Variants in STEAP1B observed in about 807,000 individuals in gnomAD.
STEAP1B encodes the protein STEAP family member 1B, also known as STEAP family protein MGC87042.
STEAP1B carries 13 observed loss-of-function variants against 27.9 expected under a neutral mutation model. The ratio of observed to expected loss-of-function variants is 0.47; its 90% CI spans 0.30 to 0.74. The LOEUF is 0.74. Among genes scored for constraint, STEAP1B ranks in the 30% least tolerant of loss-of-function variants. The probability of loss-of-function intolerance (pLI) is 0.06; values close to 1 mark genes in which losing one functional copy is unlikely to be tolerated. For synonymous variants in STEAP1B, 86 were observed against 107.1 expected (o/e 0.80, Z 1.22); for missense variants, 250 against 298.7 (o/e 0.84, Z 1.20).
intron 4 of STEAP1B, among the ~76,000 whole-genome samples, chr7:22,457,135 G>A (rs1032258882): frequency 6.6e-6 from 1 of 151,238 alleles, no homozygotes; most frequent in Non-Finnish European, 1.5e-5. Flanking sequence ...TAAATCCAGA[G>A]GATCCACCAA....
intron 4 of STEAP1B, among the ~76,000 whole-genome samples, chr7:22,449,309 C>A (rs10235825): frequency 0.16 from 24,709 of 152,204 alleles, 2,077 homozygotes; most frequent in Non-Finnish European, 0.18. Context: ...CCCTTCCCAG[C>A]CTCTGGTAAC....
intron 4 of STEAP1B, among the ~76,000 whole-genome samples, chr7:22,447,691 T>C (rs1785429188): frequency 6.6e-6 from 1 of 152,248 alleles, no homozygotes; most frequent in East Asian, 1.9e-4. Context: ...CTTCATGTAA[T>C]CAAGACCTGT....
chr7:22,479,564 T>G (rs2128413130), intron 4 of STEAP1B, among the ~76,000 whole-genome samples: 1 of 152,160 alleles, frequency 6.6e-6, no homozygotes, highest in East Asian at 1.9e-4. Flanking sequence ...CTTGCTGACT[T>G]CAGACTCCCC....
rs571684355 is a variant in STEAP1B, at chr7:22,487,468, GA to G, written c.762+5096del. Among the ~76,000 whole-genome samples, 130 of 146,916 alleles carry G rather than the reference GA, an allele frequency of 8.8e-4. 1 individual carries two copies. The highest frequency in any genetic ancestry group is 1.7e-3 in the African/African-American group (66 of 39,782). On this transcript the variant is annotated intron_variant, in intron 4 of 4. Coordinates refer to ENST00000678116, the MANE Select transcript of STEAP1B (RefSeq NM_001382447.1). ...GTTTCAGTTACATGAGTATTTGTTTGAAAAAAAAATGTCTTGCAAAGGCCTA... is the reference window on the plus strand; with the variant it reads ...GTTTCAGTTACATGAGTATTTGTTTGAAAAAAAATGTCTTGCAAAGGCCTA...
At chr7:22,458,947 T>C (rs1785633986) in intron 4 of STEAP1B, among the ~76,000 whole-genome samples, 1 of 152,096 alleles carries the variant, frequency 6.6e-6, no homozygotes. Context: ...AATAAGTATC[T>C]TATACAAACT....
At chr7:22,476,326 C>T (rs951715185) in intron 4 of STEAP1B, among the ~76,000 whole-genome samples, 1 of 152,164 alleles carries the variant, frequency 6.6e-6, no homozygotes, top group African/African-American at 2.4e-5. Flanking sequence ...GCAAACAAGA[C>T]ATAGGGTCTA....
At chr7:22,466,976 G>C (rs1199164737) in intron 4 of STEAP1B, among the ~76,000 whole-genome samples, 3 of 152,190 alleles carry the variant, frequency 2.0e-5, no homozygotes, top group African/African-American at 7.2e-5. Context: ...AAGTACTATA[G>C]AAGTTAACAA....
intron 4 of STEAP1B, among the ~76,000 whole-genome samples, chr7:22,429,839 T>C (rs1402432972): frequency 6.6e-6 from 1 of 152,172 alleles, no homozygotes; most frequent in East Asian, 1.9e-4. Context: ...TTGTTTAAGA[T>C]TATAAGTAGT....
chr7:22,489,182 G>A (rs1324604852), intron 4 of STEAP1B, among the ~76,000 whole-genome samples: 2 of 152,174 alleles, frequency 1.3e-5, no homozygotes, highest in African/African-American at 2.4e-5. Flanking sequence ...TCCTCCTATT[G>A]ATTGTTTTGG....
intron 4 of STEAP1B, among the ~76,000 whole-genome samples, chr7:22,471,302 A>C (rs1279468963): frequency 6.6e-6 from 1 of 152,138 alleles, no homozygotes; most frequent in Non-Finnish European, 1.5e-5. Flanking sequence ...AAGCTCACTC[A>C]CTCAAGAGTT....
intron 4 of STEAP1B, among the ~76,000 whole-genome samples, chr7:22,430,275 C>A (rs75755845): frequency 6.6e-6 from 1 of 152,162 alleles, no homozygotes; most frequent in African/African-American, 2.4e-5. Context: ...AATGTTCTCA[C>A]AGGATTTTGT....
intron 4 of STEAP1B, among the ~76,000 whole-genome samples, chr7:22,461,992 A>G (rs950493210): frequency 6.6e-6 from 1 of 152,210 alleles, no homozygotes; most frequent in African/African-American, 2.4e-5. Flanking sequence ...AATAGTTACC[A>G]TTACTGTGCT....
intron 4 of STEAP1B, among the ~76,000 whole-genome samples, chr7:22,456,952 CTATATA>C (rs199847360): frequency 0.21 from 15,641 of 73,298 alleles, 3,263 homozygotes; most frequent in Non-Finnish European, 0.27. Context: ...GGATAGGCAG[CTATATA>C]TATATATATA....
At chr7:22,477,692 A>C (rs1323554799) in intron 4 of STEAP1B, among the ~76,000 whole-genome samples, 5 of 152,092 alleles carry the variant, frequency 3.3e-5, no homozygotes, top group Admixed American at 6.5e-5. Flanking sequence ...ATATGTGTGC[A>C]AAATTTTGTC....
chr7:22,419,741 G>A lies in STEAP1B; in HGVS notation c.*63C>T, dbSNP rs1785021915. On this transcript the variant is annotated 3_prime_UTR_variant, in exon 5 of 5. Coordinates refer to ENST00000678116, the MANE Select transcript of STEAP1B (RefSeq NM_001382447.1). ...GGGCACTGGGTGGTGTTCTGCATGA[G>A]CAATCCAATGCTGTGCTCCAAAGCC... is the stretch of plus-strand genomic sequence containing the variant. The A allele has an allele frequency of 2.0e-6, 3 of 1,521,622 alleles. No homozygotes were observed. The highest frequency in any genetic ancestry group is 2.8e-5 in the African/African-American group (2 of 72,230). 94.3% of individuals were successfully genotyped at this position (1,521,622 alleles called of 1,614,324 possible).
intron 4 of STEAP1B, among the ~76,000 whole-genome samples, chr7:22,464,201 G>A (rs1028651646): frequency 2.0e-5 from 3 of 152,062 alleles, no homozygotes; most frequent in Non-Finnish European, 2.9e-5. Flanking sequence ...CAATGTGTTC[G>A]CAATGCCATT....
chr7:22,489,529 G>A (rs1299765246), intron 4 of STEAP1B, among the ~76,000 whole-genome samples: 1 of 152,208 alleles, frequency 6.6e-6, no homozygotes, highest in Non-Finnish European at 1.5e-5. Flanking sequence ...GAAGTCATCA[G>A]GGTGTGCCCC....
chr7:22,438,718 A>T (rs1007429130), intron 4 of STEAP1B: 3 of 1,551,578 alleles, frequency 1.9e-6, no homozygotes, highest in African/African-American at 2.7e-5. Flanking sequence ...AGTGGCCTGA[A>T]AGTTGCACAA....
intron 4 of STEAP1B, among the ~76,000 whole-genome samples, chr7:22,442,882 C>T (rs1303108637): frequency 1.3e-5 from 2 of 152,176 alleles, no homozygotes; most frequent in Non-Finnish European, 2.9e-5. Flanking sequence ...GGAAGGAACA[C>T]AGGATGAGAA....
Sources: gnomAD v4.1 joint callset for allele counts (sites outside exome capture counted in the v4.1 genomes callset) on GRCh38, gnomAD v4.1.1 for gene constraint, MANE v1.5 for transcripts, NCBI Gene and HGNC (gene_info 2026-07-23, HGNC 2026-07-21) for gene names.